The following IL1RAP variants were observed in gnomAD, a reference collection of about 807,000 sequenced individuals.
The protein encoded by IL1RAP is interleukin 1 receptor accessory protein, also known as interleukin-1 receptor accessory protein.
Under a neutral mutation model 60.7 loss-of-function variants are expected in IL1RAP, and 35 were observed. That is an observed-to-expected ratio of 0.58 (90% CI 0.44 to 0.76). IL1RAP has a LOEUF of 0.76. Ranked by LOEUF, IL1RAP falls within the 30% of genes least tolerant of loss-of-function variation. The pLI, the probability that IL1RAP is intolerant of heterozygous loss-of-function variation, is 0.00. For missense variants in IL1RAP, 572 were observed against 693.9 expected, an observed-to-expected ratio of 0.82 and a Z score of 1.97; for synonymous variants, 268 against 250.9, an observed-to-expected ratio of 1.07 and a Z score of -0.64.
chr3:190,592,660 C>T, intron 3 of IL1RAP, among the ~76,000 whole-genome samples: 1 of 152,230 alleles, frequency 6.6e-6, no homozygotes, highest in East Asian at 1.9e-4. Context: ...CAGATACTGA[C>T]TGCAAACTGC....
chr3:190,605,300 C>CT (rs5855340), intron 4 of IL1RAP, among the ~76,000 whole-genome samples: 11 of 150,326 alleles, frequency 7.3e-5, no homozygotes, highest in African/African-American at 9.9e-5. Context: ...CAGTATTCCT[C>CT]TTTTTTTTTT....
In IL1RAP at chr3:190,626,664, CT is replaced by C. The variant is rs766018376; in HGVS notation, c.776-636del. ...GGCTAAAAAGAATATTGTCAGAGAC[CT>C]TTTTTTTTTTTTTTTTTTTTTTGGA... On this transcript the variant is annotated intron_variant, in intron 7 of 11. Transcript: ENST00000447382. 7.4e-3 allele frequency among the ~76,000 whole-genome samples: 741 copies of C among 99,990 alleles called. 4 individuals carry two copies. Among genetic ancestry groups the C allele is most frequent in the African/African-American group, 0.023 (542 of 23,064 alleles). The allele number at this position is 99,990 out of a possible 152,430, so 65.6% of individuals were successfully genotyped here.
At chr3:190,645,575 GA>G in intron 10 of IL1RAP, 123 bp from the exon 11 acceptor site, 1 of 744,490 alleles carries the variant, frequency 1.3e-6, no homozygotes, top group Non-Finnish European at 2.2e-6. Flanking sequence ...GTTGCAAGTA[GA>G]AAATCGCACT....
rs915728889 is a variant in IL1RAP at position 190,650,017 on chromosome 3, A to G, written c.*1312A>G. 5 of 566,894 alleles carry G rather than the reference A, an allele frequency of 8.8e-6. No individual in the cohort carries two copies. Among genetic ancestry groups the G allele is most frequent in the Non-Finnish European group, 1.1e-5 (5 of 448,510 alleles). 35.1% of individuals were successfully genotyped at this position (566,894 alleles called of 1,614,324 possible). A position where few individuals can be genotyped will look rare whatever the true frequency, so the allele number is the denominator to read the frequency against. ...ATTATATATATACATATCCACACAC[A>G]TACATTACATATATCTGTGTATATA... On this transcript the variant is annotated 3_prime_UTR_variant, in exon 12 of 12. Coordinates refer to ENST00000447382, the MANE Select transcript of IL1RAP (RefSeq NM_002182.4).
rs781411548 is a variant in IL1RAP, at chr3:190,627,408, A to T, written c.861A>T (p.Lys287Asn). The change falls in exon 8 of 12, where the codon AAA becomes AAT. Residue 287 changes from lysine (K) to asparagine (N), a missense_variant. Transcript: ENST00000447382. ...RNEVWWTIDG[K>N]KPDDITIDVT... ...AGGTTTGGTGGACCATTGATGGAAA[A>T]AAACCTGATGACATCACTATTGATG... is the stretch of plus-strand genomic sequence containing the variant. 1.1e-5 allele frequency: 18 copies of T among 1,613,638 alleles called. No individual in the cohort carries two copies. Among genetic ancestry groups the T allele is most frequent in the African/African-American group, 1.3e-5 (1 of 74,848 alleles).
At chr3:190,595,697 T>C (rs931988529) in intron 3 of IL1RAP, among the ~76,000 whole-genome samples, 2 of 152,240 alleles carry the variant, frequency 1.3e-5, no homozygotes, top group Admixed American at 6.5e-5. Context: ...TAGTTTGGAA[T>C]GTAAAAGGGG....
chr3:190,546,851 G>GT (rs557767125), intron 1 of IL1RAP, among the ~76,000 whole-genome samples: 260 of 152,330 alleles, frequency 1.7e-3, no homozygotes, highest in Non-Finnish European at 2.9e-3. Context: ...CACATTTAGC[G>GT]TAAGGGCTCC....
chr3:190,595,241 C>T (rs2108729147), intron 3 of IL1RAP, among the ~76,000 whole-genome samples: 1 of 152,302 alleles, frequency 6.6e-6, no homozygotes, highest in South Asian at 2.1e-4. Flanking sequence ...ATGCTCAGTA[C>T]ATAGTTTTTT....
intron 11 of IL1RAP, among the ~76,000 whole-genome samples, chr3:190,646,695 C>A (rs1734039482): frequency 6.6e-6 from 1 of 152,164 alleles, no homozygotes; most frequent in African/African-American, 2.4e-5. Flanking sequence ...ATAAGCAAGA[C>A]AAACCAATTT....
chr3:190,634,303 T>G (rs1733018228), intron 9 of IL1RAP, among the ~76,000 whole-genome samples: 1 of 151,604 alleles, frequency 6.6e-6, no homozygotes. Context: ...TTTTTTTTTT[T>G]TTGAGACAGA....
At chr3:190,653,938 A>C (rs1298068811), downstream of IL1RAP, among the ~76,000 whole-genome samples, 1 of 152,126 alleles carries the variant, frequency 6.6e-6, no homozygotes, top group East Asian at 1.9e-4. Flanking sequence ...CTTTCTGAGA[A>C]GCATCTCCTA....
intron 3 of IL1RAP, among the ~76,000 whole-genome samples, chr3:190,595,954 G>A (rs1040841317): frequency 5.9e-5 from 9 of 152,128 alleles, no homozygotes; most frequent in African/African-American, 9.7e-5. Flanking sequence ...CAGCTAATAC[G>A]TACTGAGCTC....
intron 1 of IL1RAP, among the ~76,000 whole-genome samples, chr3:190,532,266 T>C (rs1452077045): frequency 5.3e-5 from 8 of 149,538 alleles, no homozygotes; most frequent in South Asian, 2.1e-4. Context: ...TCTTTCTTTT[T>C]TTTTTTTTTT....
chr3:190,543,005 G>A (rs921110947), intron 1 of IL1RAP, among the ~76,000 whole-genome samples: 3 of 151,566 alleles, frequency 2.0e-5, no homozygotes, highest in South Asian at 2.1e-4. Context: ...AGAATTCTTG[G>A]TGTAATTCCA....
chr3:190,602,117 G>T (rs938818036), intron 3 of IL1RAP, among the ~76,000 whole-genome samples: 2 of 152,056 alleles, frequency 1.3e-5, no homozygotes, highest in Admixed American at 6.6e-5. Flanking sequence ...GGCTGTTTTT[G>T]CTGACTCTGT....
chr3:190,545,037 T>C (rs945312358), intron 1 of IL1RAP, among the ~76,000 whole-genome samples: 1 of 152,236 alleles, frequency 6.6e-6, no homozygotes, highest in Non-Finnish European at 1.5e-5. Context: ...TTATTAGGAC[T>C]CTGCATTGTA....
chr3:190,581,152 G>A (rs1206286565), intron 3 of IL1RAP, among the ~76,000 whole-genome samples: 1 of 152,152 alleles, frequency 6.6e-6, no homozygotes, highest in Admixed American at 6.5e-5. Context: ...CTCAGAAAGT[G>A]TTCTGGATCA....
chr3:190,649,134 G>C lies in IL1RAP; in HGVS notation c.*429G>C, dbSNP rs1023979049. ...TTTTCTTTTTATCTTATTTTTACTCGTCCGTTGAAAAGATAATCAAGGCCT... is the reference window on the plus strand; with the variant it reads ...TTTTCTTTTTATCTTATTTTTACTCCTCCGTTGAAAAGATAATCAAGGCCT... On this transcript the variant is annotated 3_prime_UTR_variant, in exon 12 of 12. Transcript: ENST00000447382. 1.0e-6 allele frequency: 1 copy of C among 987,160 alleles called. No homozygotes were observed. The highest frequency in any genetic ancestry group is 1.2e-6 in the Non-Finnish European group (1 of 831,416). The allele number at this position is 987,160 out of a possible 1,614,324, so 61.2% of individuals were successfully genotyped here.
intron 2 of IL1RAP, among the ~76,000 whole-genome samples, chr3:190,557,096 G>A (rs901384574): frequency 1.3e-5 from 2 of 152,118 alleles, no homozygotes; most frequent in Non-Finnish European, 2.9e-5. Flanking sequence ...CATCAGTCTT[G>A]AATTAACCAT....
Sources: allele counts gnomAD v4.1 joint callset (sites outside exome capture counted in the v4.1 genomes callset), GRCh38; gene constraint gnomAD v4.1.1; transcripts MANE v1.5; gene names NCBI Gene and HGNC (gene_info 2026-07-23, HGNC 2026-07-21).